Variants in KLHL8 observed in about 807,000 individuals in gnomAD.
KLHL8 encodes kelch like family member 8.
In KLHL8, 38 loss-of-function variants were observed where a neutral mutation model predicts 63.5. That is an observed-to-expected ratio of 0.60 (90% CI 0.46 to 0.78). The LOEUF (loss-of-function observed/expected upper bound fraction) is 0.78, where lower values mean the gene tolerates loss of function less well. Among genes scored for constraint, KLHL8 ranks in the 30% least tolerant of loss-of-function variants. The pLI, the probability that KLHL8 is intolerant of heterozygous loss-of-function variation, is 0.00. For synonymous variants in KLHL8, 224 were observed against 254.3 expected (o/e 0.88, Z 1.13); for missense variants, 566 against 752.4 (o/e 0.75, Z 2.90).
intron 1 of KLHL8, among the ~76,000 whole-genome samples, chr4:87,205,011 T>C (rs910294806): frequency 1.3e-5 from 2 of 152,234 alleles, no homozygotes; most frequent in South Asian, 4.1e-4. Context: ...GAAAAAAAGA[T>C]TGTTGCATTC....
intron 6 of KLHL8, among the ~76,000 whole-genome samples, chr4:87,173,680 T>A (rs1340716451): frequency 6.6e-6 from 1 of 152,208 alleles, no homozygotes; most frequent in Non-Finnish European, 1.5e-5. Flanking sequence ...CGGGGCATAT[T>A]TTAAAAGATT....
chr4:87,236,644 T>C (rs1733235414), intron 1 of KLHL8, among the ~76,000 whole-genome samples: 1 of 150,056 alleles, frequency 6.7e-6, no homozygotes, highest in South Asian at 2.1e-4. Context: ...AAAAGTCATT[T>C]AATTTATCTG....
intron 9 of KLHL8, 23 bp from the exon 10 acceptor site, chr4:87,163,665 A>G (rs747139451): frequency 1.9e-6 from 3 of 1,611,896 alleles, no homozygotes; most frequent in Non-Finnish European, 2.5e-6. Context: ...AGAAGAAAAA[A>G]TGTTACAAAG....
intron 1 of KLHL8, among the ~76,000 whole-genome samples, chr4:87,226,877 A>G (rs1259303889): frequency 4.7e-5 from 2 of 42,440 alleles, no homozygotes; most frequent in African/African-American, 2.0e-4. Flanking sequence ...TTATATATAA[A>G]TAATATATAT....
chr4:87,178,351 C>A, intron 5 of KLHL8, 126 bp downstream of exon 5: 1 of 1,021,524 alleles, frequency 9.8e-7, no homozygotes, highest in Admixed American at 3.0e-5. Context: ...TATCACTAAC[C>A]AAGCATTTTA....
chr4:87,180,131 C>T (rs1214393389), intron 4 of KLHL8, among the ~76,000 whole-genome samples: 1 of 152,226 alleles, frequency 6.6e-6, no homozygotes, highest in African/African-American at 2.4e-5. Context: ...AAACTTCATG[C>T]TCCTGCAACT....
rs146518229 is a variant in KLHL8 at position 87,198,480 on chromosome 4, G to T, written c.-151-2790C>A. On this transcript the variant is annotated intron_variant, in intron 1 of 9. Transcript: ENST00000273963. ...CTTCCAATTAAAGGCAGAGACTCAG[G>T]AATGCTATTCAGCAAAAGGGACAAG... Among the ~76,000 whole-genome samples, 88 of 152,220 alleles carry T rather than the reference G, an allele frequency of 5.8e-4. No individual in the cohort carries two copies. In the East Asian group the frequency reaches 0.016, roughly 27 times the overall value.
At chr4:87,186,045 A>ATTT (rs574394669) in intron 2 of KLHL8, among the ~76,000 whole-genome samples, 2 of 149,216 alleles carry the variant, frequency 1.3e-5, no homozygotes, top group African/African-American at 4.9e-5. Flanking sequence ...TTAAAAAAAA[A>ATTT]TTTTTTTTTT....
chr4:87,186,395 CTATGT>C (rs1731255991), intron 2 of KLHL8, among the ~76,000 whole-genome samples: 1 of 151,638 alleles, frequency 6.6e-6, no homozygotes, highest in Admixed American at 6.6e-5. Flanking sequence ...CCATGATTTT[CTATGT>C]TATATTTCAG....
At chr4:87,232,914 T>C (rs1275739449) in intron 1 of KLHL8, among the ~76,000 whole-genome samples, 1 of 152,184 alleles carries the variant, frequency 6.6e-6, no homozygotes, top group Non-Finnish European at 1.5e-5. Flanking sequence ...TTTTTAGGTG[T>C]AATTTTTAAA....
chr4:87,194,507 C>A (rs1244809035), intron 2 of KLHL8, among the ~76,000 whole-genome samples: 1 of 151,868 alleles, frequency 6.6e-6, no homozygotes, highest in Non-Finnish European at 1.5e-5. Context: ...CCCATCTCTA[C>A]AAAAAAAATG....
chr4:87,210,374 G>A (rs1252207303), intron 1 of KLHL8, among the ~76,000 whole-genome samples: 1 of 152,110 alleles, frequency 6.6e-6, no homozygotes, highest in Admixed American at 6.5e-5. Context: ...CCAGCTACTC[G>A]GGAGGCTGAG....
At chr4:87,193,765 G>A (rs1418386867) in intron 2 of KLHL8, among the ~76,000 whole-genome samples, 1 of 152,136 alleles carries the variant, frequency 6.6e-6, no homozygotes, top group East Asian at 1.9e-4. Context: ...CATTATGATA[G>A]CTACAACATT....
At chr4:87,178,256 T>C (rs1241963213) in intron 5 of KLHL8, among the ~76,000 whole-genome samples, 1 of 152,210 alleles carries the variant, frequency 6.6e-6, no homozygotes, top group African/African-American at 2.4e-5. Context: ...TAACTCAGAA[T>C]AGTTTAACTC....
chr4:87,203,680 G>GTT lies in KLHL8; in HGVS notation c.-151-7992_-151-7991dup, dbSNP rs530607713. ...TATAATATATAAAATATATTTTTAT[G>GTT]TTATATATATAACTATACCTAAAAC... On this transcript the variant is annotated intron_variant, in intron 1 of 9. Transcript: ENST00000273963. Among the ~76,000 whole-genome samples the GTT allele has an allele frequency of 2.7e-3, 406 of 149,348 alleles. 4 individuals carry two copies. The highest frequency in any genetic ancestry group is 9.4e-3 in the African/African-American group (386 of 41,018).
rs1367391992 is a variant in KLHL8, at chr4:87,226,782, T to A, written n.58-5392A>T. Among the ~76,000 whole-genome samples, 27 of 17,726 alleles carry A rather than the reference T, an allele frequency of 1.5e-3. 4 individuals are homozygous for A. Among genetic ancestry groups the A allele is most frequent in the African/African-American group, 3.5e-3 (10 of 2,840 alleles). 11.6% of individuals were successfully genotyped at this position (17,726 alleles called of 152,430 possible). A position where few individuals can be genotyped will look rare whatever the true frequency, so the allele number is the denominator to read the frequency against. ...ATTTATATATAATATATATTATATA[T>A]ATAATATATATTATATATAATATAT... On this transcript the variant is annotated intron_variant and non_coding_transcript_variant, in intron 1 of 1. Coordinates refer to the KLHL8 transcript ENST00000506274.
At chr4:87,169,946 T>A in intron 8 of KLHL8, 133 bp downstream of exon 8, 1 of 642,688 alleles carries the variant, frequency 1.6e-6, no homozygotes, top group South Asian at 2.5e-5. Flanking sequence ...CAAAATTTTG[T>A]AAGAAAGAAT....
Position 87,227,747 on chromosome 4 carries a change from T to G in KLHL8, n.58-6357A>C, listed in dbSNP as rs151009257. ...GTCCCTGATGACCATTAAACCATCA[T>G]TTTAGTCCAGGATTGCCTCCCTTTG... On this transcript the variant is annotated intron_variant and non_coding_transcript_variant, in intron 1 of 1. Coordinates refer to the KLHL8 transcript ENST00000506274. 5.7e-3 allele frequency among the ~76,000 whole-genome samples: 871 copies of G among 152,310 alleles called. 2 individuals are homozygous for G. Among genetic ancestry groups the G allele is most frequent in the Non-Finnish European group, 8.8e-3 (598 of 68,024 alleles).
chr4:87,219,252 T>C lies in KLHL8; in HGVS notation c.-152+1166A>G, dbSNP rs144873221. On this transcript the variant is annotated intron_variant, in intron 1 of 9. Transcript: ENST00000273963. The stretch of plus-strand genomic sequence containing the variant: ...AGCAGCGTTCCAGGCGCCAGCACTG[T>C]TAGCAGCAGTCCTCTGCGTACCCAA... Among the ~76,000 whole-genome samples, 833 of 150,480 alleles carry C rather than the reference T, an allele frequency of 5.5e-3. 7 individuals are homozygous for C. Among genetic ancestry groups the C allele is most frequent in the African/African-American group, 0.02 (802 of 39,816 alleles).
Sources: allele counts gnomAD v4.1 joint callset (sites outside exome capture counted in the v4.1 genomes callset), GRCh38; gene constraint gnomAD v4.1.1; transcripts MANE v1.5; gene names NCBI Gene and HGNC (gene_info 2026-07-23, HGNC 2026-07-21).